Variants in FILIP1 observed in about 807,000 individuals in gnomAD.
The protein encoded by FILIP1 is filamin-A-interacting protein 1.
In FILIP1, 61 loss-of-function variants were observed where a neutral mutation model predicts 102.1. That is an observed-to-expected ratio of 0.60 (90% CI 0.49 to 0.74). The LOEUF (loss-of-function observed/expected upper bound fraction) is 0.74. FILIP1 is among the 30% of genes least tolerant of loss of function. FILIP1 has a pLI of 0.00. For missense variants in FILIP1, 1,314 were observed against 1,441.2 expected (o/e 0.91, Z 1.43); for synonymous variants, 491 against 526.9 (o/e 0.93, Z 0.93).
exon 7 of FILIP1, chr6:75,294,596 A>T (rs1356586264): frequency 6.6e-6 from 1 of 152,188 alleles, no homozygotes; most frequent in Non-Finnish European, 1.5e-5. Flanking sequence ...ACCTGTAGTT[A>T]CGAAAATCTT....
intron 2 of FILIP1, among the ~76,000 whole-genome samples, chr6:75,401,919 T>C (rs1776672755): frequency 2.0e-5 from 3 of 152,166 alleles, no homozygotes; most frequent in Non-Finnish European, 4.4e-5. Flanking sequence ...ACAGGTAAGT[T>C]GTAATATTTA....
At chr6:75,434,480 GCT>G (rs1313788927) in intron 1 of FILIP1, among the ~76,000 whole-genome samples, 1 of 151,924 alleles carries the variant, frequency 6.6e-6, no homozygotes, top group Non-Finnish European at 1.5e-5. Context: ...TCATGATTTG[GCT>G]CTCTGTTTGT....
chr6:75,331,644 C>T (rs1178324773), intron 4 of FILIP1, among the ~76,000 whole-genome samples: 2 of 152,080 alleles, frequency 1.3e-5, no homozygotes, highest in Admixed American at 6.6e-5. Context: ...TGTTGTCAGG[C>T]GTATAACCCA....
At position 75,313,229 on chromosome 6, in the gene FILIP1, G is replaced by T; in HGVS notation, c.2603C>A (p.Ser868Tyr). 1 of 1,614,142 alleles carries T rather than the reference G, an allele frequency of 6.2e-7. No homozygotes were observed. The highest frequency in any genetic ancestry group is 2.2e-5 in the East Asian group (1 of 44,884). ...CCTCTTTCTCATCCATGGAATCCAAGACTTTCTCATAGTGAGCTCATTTGC... is the reference window on the plus strand; with the variant it reads ...CCTCTTTCTCATCCATGGAATCCAATACTTTCTCATAGTGAGCTCATTTGC... Reference protein sequence around the residue: ...PAANELTMRKSWIPWMRKREN... With the variant: ...PAANELTMRKYWIPWMRKREN... The change falls in exon 5 of 6, where the codon TCT becomes TAT. Residue 868 changes from serine to tyrosine, a missense_variant. Coordinates refer to ENST00000237172, the MANE Select transcript of FILIP1 (RefSeq NM_015687.5). This position sits in a 1 kb window ranked among gnomAD's most constrained non-coding sequence, Gnocchi z 4.2.
intron 4 of FILIP1, among the ~76,000 whole-genome samples, chr6:75,320,220 C>G (rs4283851): frequency 0.71 from 107,290 of 152,094 alleles, 38,004 homozygotes; most frequent in Middle Eastern, 0.77. Context: ...TGACTGAATG[C>G]ATAAACAAGA....
At chr6:75,298,814 A>C (rs777417937) in intron 6 of FILIP1, among the ~76,000 whole-genome samples, 10 of 152,096 alleles carry the variant, frequency 6.6e-5, no homozygotes, top group Non-Finnish European at 1.5e-4. Context: ...GTTACTCTGG[A>C]GGCTGAGGTG....
intron 1 of FILIP1, among the ~76,000 whole-genome samples, chr6:75,447,506 A>T (rs931159042): frequency 1.3e-5 from 2 of 152,162 alleles, no homozygotes; most frequent in African/African-American, 2.4e-5. Context: ...AATGCTCTTC[A>T]TCCATGGATT....
At chr6:75,423,721 C>T (rs1777545967) in intron 1 of FILIP1, among the ~76,000 whole-genome samples, 1 of 152,092 alleles carries the variant, frequency 6.6e-6, no homozygotes, top group Non-Finnish European at 1.5e-5. Flanking sequence ...GAAGTTTTGC[C>T]TCATCCGCCA....
Position 75,334,002 on chromosome 6 carries a change from T to C in FILIP1, c.630-18800A>G, listed in dbSNP as rs1213490979. Among the ~76,000 whole-genome samples, 3 of 152,190 alleles carry C rather than the reference T, an allele frequency of 2.0e-5. No homozygotes were observed. The East Asian group carries it at 5.8e-4, about 29-fold the overall frequency. On this transcript the variant is annotated intron_variant, in intron 4 of 5. Coordinates refer to ENST00000237172, the MANE Select transcript of FILIP1 (RefSeq NM_015687.5). ...TCTTTGGATCGCTATGCATTCTAATTCATTGCCAACTTTTACAAGCCTTTT... is the reference window on the plus strand; with the variant it reads ...TCTTTGGATCGCTATGCATTCTAATCCATTGCCAACTTTTACAAGCCTTTT...
At chr6:75,447,559 A>G (rs1778479903) in intron 1 of FILIP1, among the ~76,000 whole-genome samples, 1 of 152,190 alleles carries the variant, frequency 6.6e-6, no homozygotes, top group African/African-American at 2.4e-5. Context: ...ATGATTTAAA[A>G]TAATCATAGG....
intron 2 of FILIP1, among the ~76,000 whole-genome samples, chr6:75,390,889 T>A (rs1276066116): frequency 6.6e-6 from 1 of 152,136 alleles, no homozygotes; most frequent in Non-Finnish European, 1.5e-5. Context: ...GATTTCCATA[T>A]CCTCTTAGAT....
chr6:75,363,244 G>C (rs1292660898), intron 2 of FILIP1, among the ~76,000 whole-genome samples: 1 of 152,158 alleles, frequency 6.6e-6, no homozygotes, highest in Admixed American at 6.5e-5. Context: ...TACTTAACCT[G>C]TTCCAGTGCA....
At chr6:75,440,596 G>A (rs1478108170) in intron 1 of FILIP1, among the ~76,000 whole-genome samples, 5 of 152,188 alleles carry the variant, frequency 3.3e-5, no homozygotes, top group Non-Finnish European at 7.3e-5. Flanking sequence ...ACAGGTGAGG[G>A]CTCACTGGGA....
chr6:75,490,324 T>G (rs1779919415), intron 1 of FILIP1, among the ~76,000 whole-genome samples: 1 of 152,150 alleles, frequency 6.6e-6, no homozygotes. Flanking sequence ...GTTTTTCTTT[T>G]GTTGAATACA....
intron 2 of FILIP1, among the ~76,000 whole-genome samples, chr6:75,390,520 G>T (rs897659716): frequency 3.7e-4 from 57 of 152,118 alleles, no homozygotes; most frequent in Non-Finnish European, 7.1e-4. Context: ...AGCAAAGAGG[G>T]AGCAGGCATG....
chr6:75,312,132 G>A (rs1057049491), intron 5 of FILIP1, among the ~76,000 whole-genome samples: 4 of 152,072 alleles, frequency 2.6e-5, no homozygotes, highest in Admixed American at 6.5e-5. Flanking sequence ...TTTCAAAGAG[G>A]CTATCTTTGC....
intron 1 of FILIP1, among the ~76,000 whole-genome samples, chr6:75,481,301 A>G (rs1457084788): frequency 2.6e-5 from 4 of 152,228 alleles, no homozygotes; most frequent in South Asian, 2.1e-4. Context: ...ACGAGTCTCA[A>G]AAAATATTTG....
intron 2 of FILIP1, among the ~76,000 whole-genome samples, chr6:75,404,090 A>C (rs1443812085): frequency 6.6e-6 from 1 of 152,098 alleles, no homozygotes; most frequent in Non-Finnish European, 1.5e-5. Context: ...TAATAGTTAA[A>C]GCTGTGCCAC....
At chr6:75,361,782 G>A (rs1206875601) in intron 3 of FILIP1, 1 of 152,216 alleles carries the variant, frequency 6.6e-6, no homozygotes, top group African/African-American at 2.4e-5. Context: ...GCAGTGGTAA[G>A]TCTCAGAAGT....
Sources: allele counts gnomAD v4.1 joint callset (sites outside exome capture counted in the v4.1 genomes callset), GRCh38; gene constraint gnomAD v4.1.1; non-coding constraint Gnocchi (gnomAD v3.1); transcripts MANE v1.5; gene names NCBI Gene and HGNC (gene_info 2026-07-23, HGNC 2026-07-21).